SOAT1: variants seen among roughly 807,000 people sequenced by gnomAD.
SOAT1 encodes sterol O-acyltransferase 1.
In SOAT1, 55 loss-of-function variants were observed where a neutral mutation model predicts 69.5. The ratio of observed to expected loss-of-function variants is 0.79; its 90% CI spans 0.64 to 0.99. The LOEUF is 0.99. SOAT1 is among the 50% of genes least tolerant of loss of function. The pLI is 0.00. For synonymous variants in SOAT1, 231 were observed against 224.7 expected (o/e 1.03, Z -0.25); for missense variants, 580 against 669.3 (o/e 0.87, Z 1.47).
At chr1:179,294,941 CTT>C (rs5779018) in intron 1 of SOAT1, among the ~76,000 whole-genome samples, 1 of 148,162 alleles carries the variant, frequency 6.7e-6, no homozygotes, top group African/African-American at 2.5e-5. Flanking sequence ...CAATTTGAAG[CTT>C]TTTTTTTTTC....
intron 3 of SOAT1, among the ~76,000 whole-genome samples, 181 bp downstream of exon 3, chr1:179,323,676 C>T (rs1665684216): frequency 6.6e-6 from 1 of 152,180 alleles, no homozygotes; most frequent in Non-Finnish European, 1.5e-5. Flanking sequence ...TCCAGATTGC[C>T]TTTTTCTCTC....
At chr1:179,318,109 C>A (rs190865473) in intron 2 of SOAT1, among the ~76,000 whole-genome samples, 2 of 151,960 alleles carry the variant, frequency 1.3e-5, no homozygotes, top group South Asian at 4.1e-4. Flanking sequence ...GCAGGAGGAT[C>A]ACTTGAGATC....
chr1:179,302,494 C>A (rs750378929), intron 1 of SOAT1, among the ~76,000 whole-genome samples, 183 bp from the exon 2 acceptor site: 2 of 152,194 alleles, frequency 1.3e-5, no homozygotes, highest in African/African-American at 4.8e-5. Flanking sequence ...CCTGCCGCCA[C>A]GTAAGACATG....
intron 2 of SOAT1, among the ~76,000 whole-genome samples, chr1:179,304,372 G>A (rs1664934817): frequency 1.3e-5 from 2 of 151,742 alleles, no homozygotes; most frequent in Admixed American, 6.6e-5. Context: ...CTGCCTTCTG[G>A]GTTCAAGCCA....
intron 3 of SOAT1, among the ~76,000 whole-genome samples, chr1:179,325,874 A>C (rs2124969600): frequency 6.6e-6 from 1 of 152,320 alleles, no homozygotes; most frequent in Admixed American, 6.5e-5. Flanking sequence ...ATATTAATAA[A>C]ATTATGAAAT....
intron 2 of SOAT1, among the ~76,000 whole-genome samples, chr1:179,321,473 A>G (rs1238932695): frequency 6.6e-6 from 1 of 152,188 alleles, no homozygotes; most frequent in Non-Finnish European, 1.5e-5. Context: ...CATAGCCTGA[A>G]CCATTATATC....
At chr1:179,310,407 A>G (rs767492747) in intron 2 of SOAT1, among the ~76,000 whole-genome samples, 14 of 152,002 alleles carry the variant, frequency 9.2e-5, no homozygotes, top group Non-Finnish European at 5.9e-5. Context: ...AACATTATCT[A>G]TTAAGTCTCT....
Position 179,302,720 on chromosome 1 carries a change from G to A in SOAT1, c.36G>A (p.Arg12=). 3 of 1,609,658 alleles carry A rather than the reference G, an allele frequency of 1.9e-6. No homozygotes were observed. Among genetic ancestry groups the A allele is most frequent in the Non-Finnish European group, 2.5e-6 (3 of 1,178,834 alleles). The change falls in exon 2 of 16, where the codon CGG becomes CGA. Residue 12 remains arginine, a synonymous_variant. Coordinates refer to ENST00000367619, the MANE Select transcript of SOAT1 (RefSeq NM_003101.6). ...AAGAGAAGATGTCTCTAAGAAACCG[G>A]CTGTCAAAGTCCAGGGAAAATCCTG... The part of the protein sequence containing the change: ...VGEEKMSLRN[R]LSKSRENPEE...
At chr1:179,353,340 A>G (rs568724107) in intron 15 of SOAT1, among the ~76,000 whole-genome samples, 484 of 148,682 alleles carry the variant, frequency 3.3e-3, no homozygotes, top group Non-Finnish European at 5.3e-3. Context: ...AGTCCACACA[A>G]TTGTGTATAG....
intron 14 of SOAT1, among the ~76,000 whole-genome samples, chr1:179,351,021 CTTTTTTTTTTTTTTTTT>C (rs201449849): frequency 0.051 from 6,454 of 127,578 alleles, 233 homozygotes; most frequent in Non-Finnish European, 0.075. Context: ...ATATTTCTTT[CTTTTTTTTTTTTTTTTT>C]TTTTTTTTTT....
chr1:179,334,277 G>T (rs1666070068), intron 3 of SOAT1, among the ~76,000 whole-genome samples: 1 of 152,134 alleles, frequency 6.6e-6, no homozygotes, highest in Non-Finnish European at 1.5e-5. Context: ...TTGTTTAGAA[G>T]TTAGAAGTTA....
At chr1:179,312,792 C>G (rs1172074904) in intron 2 of SOAT1, among the ~76,000 whole-genome samples, 1 of 152,210 alleles carries the variant, frequency 6.6e-6, no homozygotes, top group East Asian at 1.9e-4. Flanking sequence ...ACCCTTTACC[C>G]GCTTTGCCCT....
chr1:179,294,509 A>G (rs911005733), intron 1 of SOAT1: 4 of 152,184 alleles, frequency 2.6e-5, no homozygotes, highest in Admixed American at 6.5e-5. Flanking sequence ...TATTCTCCGT[A>G]TATATATTTA....
chr1:179,348,864 A>T lies in SOAT1; in HGVS notation c.1236A>T (p.Ser412=), dbSNP rs762183733. The change falls in exon 13 of 16, where the codon TCA becomes TCT. Residue 412 remains serine, a synonymous_variant. Transcript: ENST00000367619. ...CTCAGGATTGGTGGAACTCCACGTCATACTCCAACTATTATAGAACCTGGA... is the reference window on the plus strand; with the variant it reads ...CTCAGGATTGGTGGAACTCCACGTCTTACTCCAACTATTATAGAACCTGGA... ...MFYKDWWNST[S]YSNYYRTWNV... The T allele has an allele frequency of 1.6e-5, 26 of 1,607,738 alleles. No individual in the cohort carries two copies. Among genetic ancestry groups the T allele is most frequent in the Non-Finnish European group, 1.8e-5 (21 of 1,175,100 alleles).
chr1:179,341,114 C>T lies in SOAT1; in HGVS notation c.584C>T (p.Thr195Ile), dbSNP rs775560545. 2 of 1,614,076 alleles carry T rather than the reference C, an allele frequency of 1.2e-6. No homozygotes were observed. The highest frequency in any genetic ancestry group is 1.7e-5 in the Admixed American group (1 of 60,006). Residue 195 changes from threonine to isoleucine, a missense_variant, in exon 7 of 16, where the codon ACA becomes ATA. Transcript: ENST00000367619. The stretch of plus-strand genomic sequence containing the variant: ...ACCTGGTGGATCATGTTCCTGTCTA[C>T]ATTTTCAGTTCCCTATTTTCTGTTT... ...VWTWWIMFLS[T>I]FSVPYFLFQH... is the part of the protein sequence containing the mutation.
chr1:179,303,427 A>G (rs763430185), intron 2 of SOAT1, among the ~76,000 whole-genome samples: 6 of 152,232 alleles, frequency 3.9e-5, no homozygotes, highest in Non-Finnish European at 8.8e-5. Context: ...AATTGATGTC[A>G]TCTATTGCAT....
At chr1:179,335,043 A>G (rs574243842) in intron 3 of SOAT1, among the ~76,000 whole-genome samples, 50 of 151,700 alleles carry the variant, frequency 3.3e-4, no homozygotes, top group African/African-American at 1.2e-3. Flanking sequence ...AAAAAGAAAG[A>G]AAAAAGAGAA....
chr1:179,343,140 A>G (rs1571450682), intron 9 of SOAT1, among the ~76,000 whole-genome samples, 197 bp downstream of exon 9: 2 of 152,320 alleles, frequency 1.3e-5, no homozygotes, highest in South Asian at 2.1e-4. Flanking sequence ...ACAGAATTAT[A>G]AAGTATTTCA....
At position 179,356,495 on chromosome 1, in the gene SOAT1, C is replaced by T. The variant is rs552273982; in HGVS notation, c.*2854C>T. ...TTTTTTTTTTTTTTTTTTTTTAAGACAGAGTCTTGTTCTGTCGCCCAGGCC... is the reference window on the plus strand; with the variant it reads ...TTTTTTTTTTTTTTTTTTTTTAAGATAGAGTCTTGTTCTGTCGCCCAGGCC... On this transcript the variant is annotated 3_prime_UTR_variant, in exon 16 of 16. Coordinates refer to ENST00000367619, the MANE Select transcript of SOAT1 (RefSeq NM_003101.6). The T allele has an allele frequency of 3.2e-4, 22 of 69,670 alleles. No individual in the cohort carries two copies. Among genetic ancestry groups the T allele is most frequent in the African/African-American group, 1.3e-3 (20 of 15,566 alleles). 4.3% of individuals were successfully genotyped at this position (69,670 alleles called of 1,614,324 possible).
Sources: gnomAD v4.1 joint callset for allele counts (sites outside exome capture counted in the v4.1 genomes callset) on GRCh38, gnomAD v4.1.1 for gene constraint, MANE v1.5 for transcripts, NCBI Gene and HGNC (gene_info 2026-07-23, HGNC 2026-07-21) for gene names.